LIX1: variants seen among roughly 807,000 people sequenced by gnomAD.
LIX1 encodes protein limb expression 1 homolog.
In LIX1, 24 loss-of-function variants were observed where a neutral mutation model predicts 33.4. That is an observed-to-expected ratio of 0.72 (90% CI 0.52 to 1.01). The LOEUF (loss-of-function observed/expected upper bound fraction) is 1.01, where lower values mean the gene tolerates loss of function less well. LIX1 is among the 50% of genes least tolerant of loss of function. The pLI is 0.00. For synonymous variants in LIX1, 124 were observed against 124.0 expected (o/e 1.00, Z 0.00); for missense variants, 311 against 339.2 (o/e 0.92, Z 0.65).
At chr5:97,114,186 A>G (rs1368648319) in intron 2 of LIX1, among the ~76,000 whole-genome samples, 1 of 152,192 alleles carries the variant, frequency 6.6e-6, no homozygotes, top group Non-Finnish European at 1.5e-5. Context: ...TAACTCTTCA[A>G]GAGCAAAAGT....
intron 1 of LIX1, among the ~76,000 whole-genome samples, chr5:97,127,354 A>T (rs1258544228): frequency 6.6e-6 from 1 of 152,200 alleles, no homozygotes; most frequent in Non-Finnish European, 1.5e-5. Flanking sequence ...GGTATGCACT[A>T]AGTCGATTTC....
intron 2 of LIX1, among the ~76,000 whole-genome samples, chr5:97,108,865 G>C (rs1010654012): frequency 6.6e-6 from 1 of 152,160 alleles, no homozygotes; most frequent in Non-Finnish European, 1.5e-5. Context: ...CTTGGTGATT[G>C]ATGGGAAAGA....
rs561156956 is a variant in LIX1, at chr5:97,120,673, C to T, written c.246+3793G>A. 8.5e-5 allele frequency among the ~76,000 whole-genome samples: 13 copies of T among 152,162 alleles called. No individual in the cohort carries two copies. In the East Asian group the frequency reaches 2.1e-3, roughly 25 times the overall value. On this transcript the variant is annotated intron_variant, in intron 2 of 5. Transcript: ENST00000274382. ...AAGAGGTCAAGACATGCATGAGGAA[C>T]AGTTAGGTAGAAGCATTAAGTGTCA...
chr5:97,142,600 C>G lies in LIX1; in HGVS notation c.-24G>C. ...ATCTTGGGTCTGCCTGTGTGAGCCT[C>G]CTGTACAGAGTGTCCTCATGCCTGA... On this transcript the variant is annotated 5_prime_UTR_variant, in exon 1 of 6. Transcript: ENST00000274382. 2 of 1,589,624 alleles carry G rather than the reference C, an allele frequency of 1.3e-6. No homozygotes were observed. Among genetic ancestry groups the G allele is most frequent in the Non-Finnish European group, 1.7e-6 (2 of 1,157,988 alleles).
chr5:97,113,850 C>T (rs551181312), intron 2 of LIX1, among the ~76,000 whole-genome samples: 1 of 152,306 alleles, frequency 6.6e-6, no homozygotes, highest in Admixed American at 6.5e-5. Context: ...AGGATATCTC[C>T]TCCCATGACA....
intron 4 of LIX1, among the ~76,000 whole-genome samples, chr5:97,103,968 AAAG>A (rs1304969883): frequency 2.3e-5 from 3 of 130,982 alleles, no homozygotes; most frequent in African/African-American, 7.3e-5. Context: ...CCGTCTCAAA[AAAG>A]AAAAAAAAAA....
intron 2 of LIX1, among the ~76,000 whole-genome samples, chr5:97,123,440 A>C (rs1747833615): frequency 6.6e-6 from 1 of 152,212 alleles, no homozygotes; most frequent in African/African-American, 2.4e-5. Context: ...AAGAGACTTC[A>C]TTAGGCATGA....
rs144451002 is a variant in LIX1 at position 97,119,117 on chromosome 5, A to G, written c.246+5349T>C. Among the ~76,000 whole-genome samples, 103 of 152,298 alleles carry G rather than the reference A, an allele frequency of 6.8e-4. 2 individuals are homozygous for G. The East Asian group carries it at 0.01, about 15-fold the overall frequency. On this transcript the variant is annotated intron_variant, in intron 2 of 5. Transcript: ENST00000274382. ...CATGAAACTGCCTGAAACCAGAGGGATTAGTCCCACAATCCAGTCCCATAC... is the reference window on the plus strand; with the variant it reads ...CATGAAACTGCCTGAAACCAGAGGGGTTAGTCCCACAATCCAGTCCCATAC...
At chr5:97,109,739 C>T (rs970904178) in intron 2 of LIX1, among the ~76,000 whole-genome samples, 1 of 151,608 alleles carries the variant, frequency 6.6e-6, no homozygotes, top group African/African-American at 2.4e-5. Flanking sequence ...ATCCCTCACC[C>T]CCCTCCCAAT....
chr5:97,095,140 C>A, intron 5 of LIX1, 105 bp from the exon 6 acceptor site: 1 of 1,037,868 alleles, frequency 9.6e-7, no homozygotes, highest in Non-Finnish European at 1.4e-6. Flanking sequence ...TTATCAACAA[C>A]CCCATCTCTC....
rs1246496920 is a variant in LIX1, at chr5:97,094,460, C to G, written c.*288G>C. ...TCAAGCAAGGCACGTGACAGTCAGG[C>G]TTTAGGTTGGAGCCAGGCCTGGAAA... On this transcript the variant is annotated 3_prime_UTR_variant, in exon 6 of 6. Coordinates refer to ENST00000274382, the MANE Select transcript of LIX1 (RefSeq NM_153234.5). The G allele has an allele frequency of 2.5e-6, 1 of 405,058 alleles. No individual in the cohort carries two copies. Among genetic ancestry groups the G allele is most frequent in the Non-Finnish European group, 4.4e-6 (1 of 225,580 alleles). The allele number at this position is 405,058 out of a possible 1,614,324, so 25.1% of individuals were successfully genotyped here.
chr5:97,096,962 C>CT (rs1374554531), intron 4 of LIX1, 75 bp from the exon 5 acceptor site: 2 of 1,073,450 alleles, frequency 1.9e-6, no homozygotes, highest in Non-Finnish European at 2.9e-6. Flanking sequence ...GGGCATAACT[C>CT]TAATTCCCAA....
At chr5:97,121,672 T>A (rs1334740418) in intron 2 of LIX1, among the ~76,000 whole-genome samples, 1 of 152,198 alleles carries the variant, frequency 6.6e-6, no homozygotes, top group Admixed American at 6.5e-5. Flanking sequence ...CTGAGGATAT[T>A]AACTTAATAC....
intron 2 of LIX1, among the ~76,000 whole-genome samples, chr5:97,111,404 T>A (rs1465012558): frequency 1.3e-5 from 2 of 152,218 alleles, no homozygotes; most frequent in African/African-American, 4.8e-5. Flanking sequence ...AATATATTAA[T>A]GAATTTCAGA....
At chr5:97,140,431 C>G (rs2544769) in intron 1 of LIX1, among the ~76,000 whole-genome samples, 73,716 of 151,962 alleles carry the variant, frequency 0.49, 18,896 homozygotes, top group African/African-American at 0.66. Flanking sequence ...GAGGAGCCAG[C>G]AGTGACTAGG....
At chr5:97,141,771 A>C (rs1207916851) in intron 1 of LIX1, among the ~76,000 whole-genome samples, 1 of 152,262 alleles carries the variant, frequency 6.6e-6, no homozygotes, top group Non-Finnish European at 1.5e-5. Context: ...GTTTTGCAGC[A>C]GCAGGAAATC....
chr5:97,123,281 G>C (rs1280955681), intron 2 of LIX1, among the ~76,000 whole-genome samples: 1 of 151,718 alleles, frequency 6.6e-6, no homozygotes, highest in East Asian at 1.9e-4. Flanking sequence ...TTTTTTTTTG[G>C]ATAGGGGAGG....
At chr5:97,102,439 GATGCGCTCC>G (rs1746759144) in intron 4 of LIX1, among the ~76,000 whole-genome samples, 1 of 152,098 alleles carries the variant, frequency 6.6e-6, no homozygotes, top group African/African-American at 2.4e-5. Context: ...AAGGAAAAGG[GATGCGCTCC>G]ATAGGCCCTC....
intron 1 of LIX1, among the ~76,000 whole-genome samples, chr5:97,128,169 G>T (rs563659352): frequency 6.6e-6 from 1 of 152,144 alleles, no homozygotes; most frequent in Non-Finnish European, 1.5e-5. Context: ...GCTTCCTTAT[G>T]TTCCATTTAT....
Sources: gnomAD v4.1 joint callset for allele counts (sites outside exome capture counted in the v4.1 genomes callset) on GRCh38, gnomAD v4.1.1 for gene constraint, MANE v1.5 for transcripts, NCBI Gene and HGNC (gene_info 2026-07-23, HGNC 2026-07-21) for gene names.